Variants in SALL4 observed in about 807,000 individuals in gnomAD.
SALL4 encodes spalt like transcription factor 4.
In SALL4, 4 loss-of-function variants were observed where a neutral mutation model predicts 60.8. That is an observed-to-expected ratio of 0.07 (90% CI 0.03 to 0.15). SALL4 has a LOEUF of 0.15. Ranked by LOEUF, SALL4 falls within the 10% of genes least tolerant of loss-of-function variation. The pLI is 1.00. For missense variants in SALL4, 1,178 were observed against 1,394.7 expected, an observed-to-expected ratio of 0.84 and a Z score of 2.48; for synonymous variants, 580 against 574.9, an observed-to-expected ratio of 1.01 and a Z score of -0.13.
intron 3 of SALL4, 31 bp from the exon 4 acceptor site, chr20:51,784,715 A>T (rs1462003483): frequency 6.2e-7 from 1 of 1,613,722 alleles, no homozygotes; most frequent in East Asian, 2.2e-5. Context: ...GGTTTTTACC[A>T]AAATAGAGAT....
At position 51,802,335 on chromosome 20, in the gene SALL4, T is replaced by A. The variant is rs756121864; in HGVS notation, c.74A>T (p.Gln25Leu). ...CGCATCTGCAAACTCCGGGGTCTGCTGCTGCGGCTGCTGCTCGCCCTGGTC... is the reference window on the plus strand; with the variant it reads ...CGCATCTGCAAACTCCGGGGTCTGCAGCTGCGGCTGCTGCTCGCCCTGGTC... ...EEDQGEQQPQ[Q>L]QTPEFADAAP... The change falls in exon 1 of 4, where the codon CAG (glutamine) becomes CTG (leucine). Residue 25 changes from glutamine (Q) to leucine (L), a missense_variant. Physicochemically the swap from Gln to Leu is moderately radical, Grantham distance 113. Around this residue, in one of 5 missense-constraint regions of SALL4, gnomAD observed 108 missense variants for 95.7 expected, o/e 1.13. Transcript: ENST00000217086. The A allele has an allele frequency of 6.2e-7, 1 of 1,609,828 alleles. No individual in the cohort carries two copies.
At position 51,790,582 on chromosome 20, in the gene SALL4, T is replaced by C. The variant is rs1260916509; in HGVS notation, c.1901A>G (p.Lys634Arg). ...TQHSCPICQK[K>R]FTNAVMLQQH... ...CTGCAGCATCACGGCATTAGTGAAC[T>C]TCTTCTGGCAGATGGGGCACGAATG... The change falls in exon 2 of 4, where the codon AAG becomes AGG. Residue 634 changes from lysine (K) to arginine (R), a missense_variant. Transcript: ENST00000217086. This position sits in a 1 kb window ranked among gnomAD's most constrained non-coding sequence, Gnocchi z 5.5. 5.0e-6 allele frequency: 8 copies of C among 1,614,190 alleles called. No homozygotes were observed. The highest frequency in any genetic ancestry group is 6.8e-6 in the Non-Finnish European group (8 of 1,180,042).
At chr20:51,798,644 C>A (rs1166848833) in intron 1 of SALL4, among the ~76,000 whole-genome samples, 1 of 151,984 alleles carries the variant, frequency 6.6e-6, no homozygotes, top group Non-Finnish European at 1.5e-5. Context: ...CCAGAGAAGC[C>A]GACCAAACTC....
Position 51,801,108 on chromosome 20 carries a change from G to A in SALL4, c.130+1171C>T, listed in dbSNP as rs953048765. 1.3e-5 allele frequency among the ~76,000 whole-genome samples: 2 copies of A among 152,040 alleles called. No homozygotes were observed. Among genetic ancestry groups the A allele is most frequent in the East Asian group, 1.9e-4 (1 of 5,170 alleles). ...GAGCGACGAACAAGGCCGGAGAGGA[G>A]GCTACAAATCCCCCCTCCCCCCACG... On this transcript the variant is annotated intron_variant, in intron 1 of 3. Coordinates refer to ENST00000217086, the MANE Select transcript of SALL4 (RefSeq NM_020436.5). The surrounding 1 kb of genome is among the most constrained non-coding windows in gnomAD (Gnocchi z 5.2).
Position 51,784,257 on chromosome 20 carries a change from G to A in SALL4, c.*8C>T. The A allele has an allele frequency of 6.2e-7, 1 of 1,613,446 alleles. No individual in the cohort carries two copies. Among genetic ancestry groups the A allele is most frequent in the Non-Finnish European group, 8.5e-7 (1 of 1,180,028 alleles). The stretch of plus-strand genomic sequence containing the variant: ...TGTCTGCATTGCTCCTTCCACGCAA[G>A]TTCTCCCTTAGCTGACCGCAATCTT... On this transcript the variant is annotated 3_prime_UTR_variant, in exon 4 of 4. Transcript: ENST00000217086.
rs1208585118 is a variant in SALL4 at position 51,784,449 on chromosome 20, C to G, written c.2978G>C (p.Gly993Ala). ...GGAAACCGGGAGGGTAGGAACCCCC[C>G]CACTCTGGATCACAGAGATCTCATT... ...KTNEISVIQS[G>A]GVPTLPVSLG... Residue 993 changes from glycine (G) to alanine (A), a missense_variant, in exon 4 of 4, where the codon GGG becomes GCG. By Grantham distance (60) the Gly-to-Ala change is moderately conservative (BLOSUM62 0). Coordinates refer to ENST00000217086, the MANE Select transcript of SALL4 (RefSeq NM_020436.5). 1.9e-6 allele frequency: 3 copies of G among 1,614,070 alleles called. No individual in the cohort carries two copies. The highest frequency in any genetic ancestry group is 1.7e-6 in the Non-Finnish European group (2 of 1,180,044).
chr20:51,792,612 C>T lies in SALL4; in HGVS notation c.131-260G>A, dbSNP rs190593855. ...GCTGAGGCTCAAGAATTGCTTGAAC[C>T]CAGGAGGCAGAGGTTGCAGTGAGCT... On this transcript the variant is annotated intron_variant, in intron 1 of 3. Transcript: ENST00000217086. 4.2e-3 allele frequency: 2,409 copies of T among 569,248 alleles called. 14 individuals are homozygous for T. The highest frequency in any genetic ancestry group is 5.8e-3 in the Non-Finnish European group (2,106 of 363,224). 35.3% of individuals were successfully genotyped at this position (569,248 alleles called of 1,614,324 possible).
intron 1 of SALL4, among the ~76,000 whole-genome samples, chr20:51,794,028 T>A (rs2078065397): frequency 6.6e-6 from 1 of 152,218 alleles, no homozygotes. Flanking sequence ...TGGGCACGCG[T>A]AATCGCGAGA....
chr20:51,789,446 C>T (rs2078018800), intron 2 of SALL4, among the ~76,000 whole-genome samples: 2 of 151,998 alleles, frequency 1.3e-5, no homozygotes, highest in African/African-American at 4.8e-5. Flanking sequence ...TGCCCAGACA[C>T]CATCTTTCTT....
chr20:51,789,794 G>T (rs190391663), intron 2 of SALL4, among the ~76,000 whole-genome samples: 1 of 152,120 alleles, frequency 6.6e-6, no homozygotes, highest in African/African-American at 2.4e-5. Context: ...AACAAAAAAG[G>T]TATGCTGTCC....
At position 51,790,959 on chromosome 20, in the gene SALL4, C is replaced by A; in HGVS notation, c.1524G>T (p.Gln508His). The A allele has an allele frequency of 6.2e-7, 1 of 1,614,168 alleles. No individual in the cohort carries two copies. The highest frequency in any genetic ancestry group is 2.2e-5 in the East Asian group (1 of 44,878). The change falls in exon 2 of 4, where the codon CAG becomes CAT. Residue 508 changes from glutamine (Q) to histidine (H), a missense_variant. Around this residue, in one of 5 missense-constraint regions of SALL4, gnomAD observed 853 missense variants for 1,036.8 expected, o/e 0.82. Transcript: ENST00000217086. This position sits in a 1 kb window ranked among gnomAD's most constrained non-coding sequence, Gnocchi z 5.5. ...CCTCACTTTCTGGAGAAGGCCCAGG[C>A]TGCAGGTCACCGGGCAAGGAGCCAC... ...LTGGSLPGDL[Q>H]PGPSPESEGG... is the part of the protein sequence containing the mutation.
At position 51,790,122 on chromosome 20, in the gene SALL4, T is replaced by C; in HGVS notation, c.2361A>G (p.Ala787=). 1 of 1,613,808 alleles carries C rather than the reference T, an allele frequency of 6.2e-7. No individual in the cohort carries two copies. The highest frequency in any genetic ancestry group is 8.5e-7 in the Non-Finnish European group (1 of 1,179,978). Residue 787 remains alanine, a synonymous_variant, in exon 2 of 4, where the codon GCA becomes GCG. Coordinates refer to ENST00000217086, the MANE Select transcript of SALL4 (RefSeq NM_020436.5). The surrounding 1 kb of genome is among the most constrained non-coding windows in gnomAD (Gnocchi z 5.5). Reference sequence around the variant, plus strand: ...CGGCTTGACTATTGGCCGGGGAGAGTGCCTGGAAGGATGTGGTTTCCAGGA... The same window carrying C: ...CGGCTTGACTATTGGCCGGGGAGAGCGCCTGGAAGGATGTGGTTTCCAGGA... ...PDILETTSFQ[A]LSPANSQAES...
rs1601180146 is a variant in SALL4, at chr20:51,801,888, A to G, written c.130+391T>C. On this transcript the variant is annotated intron_variant, in intron 1 of 3. Coordinates refer to ENST00000217086, the MANE Select transcript of SALL4 (RefSeq NM_020436.5). The surrounding 1 kb of genome is among the most constrained non-coding windows in gnomAD (Gnocchi z 5.2). The stretch of plus-strand genomic sequence containing the variant: ...ATCCCCCGGGGTTCTTTCTTTTGAG[A>G]GCGACGCGAGGGAGGGGGACCTAAG... Among the ~76,000 whole-genome samples the G allele has an allele frequency of 8.9e-6, 1 of 112,076 alleles. No homozygotes were observed. Among genetic ancestry groups the G allele is most frequent in the African/African-American group, 3.7e-5 (1 of 26,808 alleles). 73.5% of individuals were successfully genotyped at this position (112,076 alleles called of 152,430 possible).
At chr20:51,800,778 T>G (rs1411804095) in intron 1 of SALL4, among the ~76,000 whole-genome samples, 14 of 106,706 alleles carry the variant, frequency 1.3e-4, no homozygotes, top group Non-Finnish European at 1.7e-5. Flanking sequence ...TCCAGGCGCC[T>G]GGGACCTCGG....
At position 51,788,693 on chromosome 20, in the gene SALL4, G is replaced by A. The variant is rs572813965; in HGVS notation, c.2742+168C>T. ...AGTCTGGGCGACAGAGTGAGACTCCGTCTCAAAAATAAATAAATAAATAAA... is the reference window on the plus strand; with the variant it reads ...AGTCTGGGCGACAGAGTGAGACTCCATCTCAAAAATAAATAAATAAATAAA... On this transcript the variant is annotated intron_variant, in intron 3 of 3. Coordinates refer to ENST00000217086, the MANE Select transcript of SALL4 (RefSeq NM_020436.5). This position sits in a 1 kb window ranked among gnomAD's most constrained non-coding sequence, Gnocchi z 4.1. Among the ~76,000 whole-genome samples, 714 of 152,008 alleles carry A rather than the reference G, an allele frequency of 4.7e-3. 5 individuals carry two copies. Among genetic ancestry groups the A allele is most frequent in the Non-Finnish European group, 7.3e-3 (493 of 67,980 alleles).
intron 1 of SALL4, among the ~76,000 whole-genome samples, chr20:51,800,396 C>T (rs969028942): frequency 6.6e-6 from 1 of 152,226 alleles, no homozygotes; most frequent in Non-Finnish European, 1.5e-5. Context: ...ATAGCCAACT[C>T]CCCTCCCTCC....
rs1312412801 is a variant in SALL4, at chr20:51,784,243, C to T, written c.*22G>A. 3.7e-6 allele frequency: 6 copies of T among 1,612,554 alleles called. No individual in the cohort carries two copies. The highest frequency in any genetic ancestry group is 5.1e-6 in the Non-Finnish European group (6 of 1,179,714). ...TAGAGATTTCACTGTGTCTGCATTG[C>T]TCCTTCCACGCAAGTTCTCCCTTAG... On this transcript the variant is annotated 3_prime_UTR_variant, in exon 4 of 4. Transcript: ENST00000217086.
chr20:51,784,512 T>C lies in SALL4; in HGVS notation c.2915A>G (p.Tyr972Cys). The C allele has an allele frequency of 6.2e-7, 1 of 1,614,178 alleles. No individual in the cohort carries two copies. The highest frequency in any genetic ancestry group is 8.5e-7 in the Non-Finnish European group (1 of 1,180,026). Residue 972 changes from tyrosine to cysteine, a missense_variant, in exon 4 of 4, where the codon TAC becomes TGC. Physicochemically the swap from Tyr to Cys is radical, Grantham distance 194. Coordinates refer to ENST00000217086, the MANE Select transcript of SALL4 (RefSeq NM_020436.5). Reference sequence around the variant, plus strand: ...CAGACCGCCATTGAGCATGCTGGTGTACTGGTTCCACACAACAGGGTCCAC... The same window carrying C: ...CAGACCGCCATTGAGCATGCTGGTGCACTGGTTCCACACAACAGGGTCCAC... ...VNVDPVVWNQYTSMLNGGLAV... is the reference protein window; with the variant it reads ...VNVDPVVWNQCTSMLNGGLAV...
chr20:51,786,773 T>C (rs561023653), intron 3 of SALL4, among the ~76,000 whole-genome samples: 46 of 152,360 alleles, frequency 3.0e-4, no homozygotes, highest in African/African-American at 1.1e-3. Flanking sequence ...TGAAAATCTA[T>C]ACTTATTTAA....
Sources: allele counts gnomAD v4.1 joint callset (sites outside exome capture counted in the v4.1 genomes callset), GRCh38; gene constraint gnomAD v4.1.1; regional missense constraint gnomAD v4.1.1; non-coding constraint Gnocchi (gnomAD v3.1); transcripts MANE v1.5; gene names NCBI Gene and HGNC (gene_info 2026-07-23, HGNC 2026-07-21).